SLC22A3: variants seen among roughly 807,000 people sequenced by gnomAD.
SLC22A3 encodes the protein solute carrier family 22 member 3, also known as EMT organic cation transporter 3.
Under a neutral mutation model 59.1 loss-of-function variants are expected in SLC22A3, and 51 were observed. That is an observed-to-expected ratio of 0.86 (90% CI 0.69 to 1.09). The LOEUF (loss-of-function observed/expected upper bound fraction) is 1.09, where lower values mean the gene tolerates loss of function less well. SLC22A3 is among the 50% of genes least tolerant of loss of function. The pLI is 0.00. For missense variants in SLC22A3, 711 were observed against 726.3 expected (o/e 0.98, Z 0.24); for synonymous variants, 325 against 292.0 (o/e 1.11, Z -1.15).
chr6:160,446,035 G>A (rs1346203563), intron 9 of SLC22A3, among the ~76,000 whole-genome samples: 2 of 152,180 alleles, frequency 1.3e-5, no homozygotes, highest in Non-Finnish European at 2.9e-5. Context: ...AAAGCAGGAG[G>A]CCTAGGACAG....
Position 160,399,813 on chromosome 6 carries a change from T to A in SLC22A3, c.533+1731T>A, listed in dbSNP as rs190923646. ...ACAACAAGTAAAATGCTGAACAAAC[T>A]GAAAAATCAATAATTCTTCTCAGAT... is the stretch of plus-strand genomic sequence containing the variant. On this transcript the variant is annotated intron_variant, in intron 2 of 10. Coordinates refer to ENST00000275300, the MANE Select transcript of SLC22A3 (RefSeq NM_021977.4). Among the ~76,000 whole-genome samples, 23 of 152,274 alleles carry A rather than the reference T, an allele frequency of 1.5e-4. No homozygotes were observed. The East Asian group carries it at 4.4e-3, about 29-fold the overall frequency.
rs10618183 is a variant in SLC22A3, at chr6:160,438,597, TACACACACACACAC to T, written c.1288+1400_1288+1413del. ...TATTCGGAACACACACACACACACA[TACACACACACACAC>T]ACACACACACACAATGTACAAGTCC... On this transcript the variant is annotated intron_variant, in intron 7 of 10. Transcript: ENST00000275300. 6.0e-5 allele frequency among the ~76,000 whole-genome samples: 9 copies of T among 149,874 alleles called. 1 individual carries two copies. The South Asian group carries it at 1.9e-3, about 32-fold the overall frequency.
chr6:160,435,345 C>G (rs1436244429), intron 5 of SLC22A3, among the ~76,000 whole-genome samples: 2 of 152,186 alleles, frequency 1.3e-5, no homozygotes, highest in Non-Finnish European at 2.9e-5. Flanking sequence ...GTTGTTTAAA[C>G]TGGGACACAT....
At chr6:160,372,727 A>G (rs1205819262) in intron 1 of SLC22A3, among the ~76,000 whole-genome samples, 2 of 151,848 alleles carry the variant, frequency 1.3e-5, no homozygotes, top group African/African-American at 2.4e-5. Context: ...TCTTGTCTTC[A>G]TGATTTATTT....
intron 4 of SLC22A3, 144 bp downstream of exon 4, chr6:160,409,065 C>T: frequency 1.5e-6 from 1 of 651,950 alleles, no homozygotes; most frequent in African/African-American, 2.2e-5. Context: ...TACATGTGCA[C>T]ATTGTGCAGG....
Position 160,397,978 on chromosome 6 carries a change from G to C in SLC22A3, c.430-1G>C, listed in dbSNP as rs1786572770. 1 of 1,612,206 alleles carries C rather than the reference G, an allele frequency of 6.2e-7. No homozygotes were observed. Among genetic ancestry groups the C allele is most frequent in the Non-Finnish European group, 8.5e-7 (1 of 1,178,656 alleles). On this transcript the variant is annotated splice_acceptor_variant, in intron 1 of 10. Coordinates refer to ENST00000275300, the MANE Select transcript of SLC22A3 (RefSeq NM_021977.4). LOFTEE classifies it high-confidence loss of function. ...CATGTGTGTTTTCTTTGTTTTCTCA[G>C]TTTGACCTTGTCTGTGTCAATGCGT...
At chr6:160,400,207 C>A (rs1019099904) in intron 2 of SLC22A3, among the ~76,000 whole-genome samples, 9 of 150,388 alleles carry the variant, frequency 6.0e-5, no homozygotes, top group Non-Finnish European at 1.3e-4. Context: ...TTGAAATATG[C>A]CAGAATATCG....
At chr6:160,354,719 C>T (rs1385891230) in intron 1 of SLC22A3, among the ~76,000 whole-genome samples, 1 of 152,084 alleles carries the variant, frequency 6.6e-6, no homozygotes, top group African/African-American at 2.4e-5. Context: ...AGGTTGAACC[C>T]AGGAGGTCGA....
intron 5 of SLC22A3, among the ~76,000 whole-genome samples, chr6:160,424,755 C>T (rs1038758213): frequency 3.9e-5 from 6 of 152,164 alleles, no homozygotes; most frequent in Non-Finnish European, 8.8e-5. Flanking sequence ...GAATCTTGGC[C>T]TTTTCTGGCT....
At chr6:160,355,495 C>T (rs1583438654) in intron 1 of SLC22A3, among the ~76,000 whole-genome samples, 7 of 152,172 alleles carry the variant, frequency 4.6e-5, no homozygotes, top group African/African-American at 1.7e-4. Context: ...GGCACGGTGG[C>T]TCACACCTGT....
chr6:160,360,988 C>G (rs1359855335), intron 1 of SLC22A3, among the ~76,000 whole-genome samples: 2 of 152,176 alleles, frequency 1.3e-5, no homozygotes, highest in Non-Finnish European at 2.9e-5. Flanking sequence ...AGGGCTTCCT[C>G]TACCAGAAAT....
chr6:160,371,971 G>A (rs541597350), intron 1 of SLC22A3, among the ~76,000 whole-genome samples: 3 of 152,198 alleles, frequency 2.0e-5, no homozygotes, highest in South Asian at 2.1e-4. Context: ...CCGGATAAAT[G>A]TCTTCTTTTG....
chr6:160,385,751 A>G (rs1019888953), intron 1 of SLC22A3, among the ~76,000 whole-genome samples: 1 of 152,190 alleles, frequency 6.6e-6, no homozygotes, highest in South Asian at 2.1e-4. Context: ...CCTCCCTCGC[A>G]GGCTCTCTTG....
chr6:160,432,365 T>C (rs542811629), intron 5 of SLC22A3, among the ~76,000 whole-genome samples: 1 of 151,972 alleles, frequency 6.6e-6, no homozygotes, highest in South Asian at 2.1e-4. Flanking sequence ...GGGTACGCTG[T>C]GTCTAATTTA....
chr6:160,365,473 TGG>T (rs1785173593), intron 1 of SLC22A3, among the ~76,000 whole-genome samples: 1 of 152,202 alleles, frequency 6.6e-6, no homozygotes, highest in African/African-American at 2.4e-5. Flanking sequence ...CCAATGGGTC[TGG>T]GGTAGGGCCT....
At chr6:160,436,720 T>A in intron 5 of SLC22A3, 60 bp from the exon 6 acceptor site, 1 of 1,079,466 alleles carries the variant, frequency 9.3e-7, no homozygotes, top group South Asian at 1.3e-5. Flanking sequence ...GACAAGTCTA[T>A]ACTATGCAGG....
In SLC22A3 at chr6:160,377,566, A is replaced by G. The variant is rs548438025; in HGVS notation, c.430-20413A>G. The stretch of plus-strand genomic sequence containing the variant: ...TTCAGTCAATAATCCTATTGTCTTA[A>G]GGCTGGAGTGGACTTCCTTGAAGCT... On this transcript the variant is annotated intron_variant, in intron 1 of 10. Transcript: ENST00000275300. 1.2e-4 allele frequency among the ~76,000 whole-genome samples: 18 copies of G among 152,272 alleles called. 1 individual carries two copies. In the South Asian group the frequency reaches 3.5e-3, roughly 30 times the overall value.
intron 5 of SLC22A3, among the ~76,000 whole-genome samples, chr6:160,431,679 C>T (rs1449982073): frequency 6.6e-6 from 1 of 151,898 alleles, no homozygotes; most frequent in Non-Finnish European, 1.5e-5. Context: ...AAGACTTATA[C>T]CAGGTATTTT....
At chr6:160,356,514 C>A (rs895767723) in intron 1 of SLC22A3, among the ~76,000 whole-genome samples, 1 of 152,182 alleles carries the variant, frequency 6.6e-6, no homozygotes, top group Non-Finnish European at 1.5e-5. Flanking sequence ...ATCAATCGAG[C>A]CTGCTCCAGG....
Sources: gnomAD v4.1 joint callset for allele counts (sites outside exome capture counted in the v4.1 genomes callset) on GRCh38, gnomAD v4.1.1 for gene constraint, MANE v1.5 for transcripts, NCBI Gene and HGNC (gene_info 2026-07-23, HGNC 2026-07-21) for gene names.